The following NR3C2 variants were observed in gnomAD, a reference collection of about 807,000 sequenced individuals.
The protein encoded by NR3C2 is nuclear receptor subfamily 3 group C member 2.
A neutral mutation model predicts 86.4 loss-of-function variants in NR3C2; 15 were observed. That is an observed-to-expected ratio of 0.17 (90% CI 0.12 to 0.27). NR3C2 has a LOEUF of 0.27. Among genes scored for constraint, NR3C2 ranks in the 10% least tolerant of loss-of-function variants. The pLI, the probability that NR3C2 is intolerant of heterozygous loss-of-function variation, is 1.00. For synonymous variants in NR3C2, 458 were observed against 450.5 expected (o/e 1.02, Z -0.21); for missense variants, 960 against 1,195.6 (o/e 0.80, Z 2.91).
chr4:148,261,219 C>G (rs111890066), intron 2 of NR3C2, among the ~76,000 whole-genome samples: 2 of 145,418 alleles, frequency 1.4e-5, no homozygotes, highest in South Asian at 2.2e-4. Context: ...TATGGTAAGC[C>G]CTATGGTGCA....
At chr4:148,285,903 T>G (rs1485140307) in intron 2 of NR3C2, among the ~76,000 whole-genome samples, 4 of 152,226 alleles carry the variant, frequency 2.6e-5, no homozygotes, top group Non-Finnish European at 5.9e-5. Context: ...CATTATAAAA[T>G]ACATTTATCT....
At chr4:148,390,020 GAT>G (rs886430892) in intron 2 of NR3C2, among the ~76,000 whole-genome samples, 5 of 151,836 alleles carry the variant, frequency 3.3e-5, no homozygotes, top group African/African-American at 1.2e-4. Context: ...ATAGGAATAT[GAT>G]AAAAGGATAA....
chr4:148,444,922 C>G (rs1050929539), upstream of NR3C2: 3 of 984,916 alleles, frequency 3.0e-6, no homozygotes, highest in Admixed American at 1.2e-4. Context: ...CGCGCCCCCT[C>G]CCCGGGCCCT....
At chr4:148,444,596 C>T (rs1264451335), upstream of NR3C2, 24 of 988,406 alleles carry the variant, frequency 2.4e-5, no homozygotes, top group Non-Finnish European at 2.9e-5. Context: ...GCCGCTGCTG[C>T]CGCCGCCACC....
chr4:148,106,562 A>G (rs1169881807), intron 8 of NR3C2, among the ~76,000 whole-genome samples: 1 of 152,130 alleles, frequency 6.6e-6, no homozygotes, highest in Non-Finnish European at 1.5e-5. Flanking sequence ...CCAAGACAAT[A>G]CTAAGAAAAA....
intron 5 of NR3C2, among the ~76,000 whole-genome samples, chr4:148,153,026 T>C (rs1323744178): frequency 6.6e-6 from 1 of 152,174 alleles, no homozygotes; most frequent in African/African-American, 2.4e-5. Flanking sequence ...TGGTGGGAGA[T>C]TTCATTGTTC....
chr4:148,287,068 A>G (rs1000534730), intron 2 of NR3C2, among the ~76,000 whole-genome samples: 1 of 152,264 alleles, frequency 6.6e-6, no homozygotes, highest in Non-Finnish European at 1.5e-5. Flanking sequence ...AGAGATAAGC[A>G]GCAAGTAAGG....
intron 2 of NR3C2, among the ~76,000 whole-genome samples, chr4:148,410,527 CACT>C (rs1254257064): frequency 1.3e-5 from 2 of 152,142 alleles, no homozygotes; most frequent in Non-Finnish European, 2.9e-5. Flanking sequence ...GAACTGTTAA[CACT>C]ACATCCTAGT....
intron 2 of NR3C2, among the ~76,000 whole-genome samples, chr4:148,413,138 G>A (rs774926312): frequency 3.9e-5 from 6 of 152,066 alleles, no homozygotes; most frequent in Non-Finnish European, 8.8e-5. Flanking sequence ...ATTTTACCTA[G>A]TGTTTATTGA....
Position 148,253,302 on chromosome 4 carries a change from A to G in NR3C2, c.1897+6676T>C, listed in dbSNP as rs541789215. The stretch of plus-strand genomic sequence containing the variant: ...TCTGGGCTGATTAACATTCATAATA[A>G]TCAAGGCATAATGATAAAGAACCAA... On this transcript the variant is annotated intron_variant, in intron 3 of 8. Transcript: ENST00000358102. Among the ~76,000 whole-genome samples the G allele has an allele frequency of 2.6e-5, 4 of 152,318 alleles. No homozygotes were observed. In the South Asian group the frequency reaches 8.3e-4, roughly 32 times the overall value.
chr4:148,423,915 G>C (rs1749404475), intron 2 of NR3C2, among the ~76,000 whole-genome samples: 1 of 152,138 alleles, frequency 6.6e-6, no homozygotes, highest in Non-Finnish European at 1.5e-5. Flanking sequence ...GTTTCACCAT[G>C]TTGGCCAAAC....
chr4:148,336,271 T>C (rs1279700150), intron 2 of NR3C2, among the ~76,000 whole-genome samples: 1 of 152,086 alleles, frequency 6.6e-6, no homozygotes, highest in Non-Finnish European at 1.5e-5. Flanking sequence ...CCTAAGGCAG[T>C]GGCGGCACTC....
chr4:148,436,612 A>T lies in NR3C2; in HGVS notation c.249T>A (p.Ile83=). ...CLQQDNNRPG[I]LTSDIKTELE... Reference sequence around the variant, plus strand: ...GCTCAGTTTTAATATCAGATGTTAAAATCCCAGGCCGATTATTGTCTTGCT... The same window carrying T: ...GCTCAGTTTTAATATCAGATGTTAATATCCCAGGCCGATTATTGTCTTGCT... The change falls in exon 2 of 9, where the codon ATT becomes ATA. Residue 83 remains isoleucine (I), a synonymous_variant. Transcript: ENST00000358102. The T allele has an allele frequency of 6.2e-7, 1 of 1,614,228 alleles. No homozygotes were observed. The highest frequency in any genetic ancestry group is 8.5e-7 in the Non-Finnish European group (1 of 1,180,040).
chr4:148,154,401 T>A (rs770186152), intron 5 of NR3C2, 150 bp downstream of exon 5: 8 of 785,898 alleles, frequency 1.0e-5, no homozygotes, highest in Non-Finnish European at 1.8e-5. Context: ...ATTTTTCCTA[T>A]ACACTTGATC....
At chr4:148,209,718 C>T (rs548103763) in intron 3 of NR3C2, among the ~76,000 whole-genome samples, 1 of 152,136 alleles carries the variant, frequency 6.6e-6, no homozygotes, top group African/African-American at 2.4e-5. Context: ...TTTTAGCTTA[C>T]CAGGAGAAGC....
At chr4:148,383,115 C>T (rs1747083435) in intron 2 of NR3C2, among the ~76,000 whole-genome samples, 1 of 152,078 alleles carries the variant, frequency 6.6e-6, no homozygotes, top group Non-Finnish European at 1.5e-5. Context: ...ATATTCACAA[C>T]TTGATATCTT....
upstream of NR3C2, chr4:148,444,280 C>A (rs6834026): frequency 1.0e-6 from 1 of 985,338 alleles, no homozygotes; most frequent in Non-Finnish European, 1.2e-6. Flanking sequence ...TGCCCTGGAT[C>A]TCAGCTTCTT....
At chr4:148,430,451 T>C (rs1268137400) in intron 2 of NR3C2, among the ~76,000 whole-genome samples, 1 of 152,138 alleles carries the variant, frequency 6.6e-6, no homozygotes, top group Non-Finnish European at 1.5e-5. Flanking sequence ...TTCCCAGAAA[T>C]ATAAGCGAAT....
intron 2 of NR3C2, among the ~76,000 whole-genome samples, chr4:148,390,535 C>T (rs1747491051): frequency 1.3e-5 from 2 of 151,900 alleles, no homozygotes; most frequent in Admixed American, 1.3e-4. Context: ...GGTAGGGCTG[C>T]CTAGGGAGAC....
Sources: gnomAD v4.1 joint callset for allele counts (sites outside exome capture counted in the v4.1 genomes callset) on GRCh38, gnomAD v4.1.1 for gene constraint, MANE v1.5 for transcripts, NCBI Gene and HGNC (gene_info 2026-07-23, HGNC 2026-07-21) for gene names.